Variants in IRAK2 observed in about 807,000 individuals in gnomAD.
IRAK2 encodes the protein interleukin-1 receptor-associated kinase-like 2.
In IRAK2, 57 loss-of-function variants were observed where a neutral mutation model predicts 72.0. The observed-to-expected ratio is 0.79, with a 90% CI of 0.64 to 0.99. IRAK2 has a LOEUF of 0.99. Among genes scored for constraint, IRAK2 ranks in the 50% least tolerant of loss-of-function variants. IRAK2 has a pLI of 0.00. For missense variants in IRAK2, 790 were observed against 794.4 expected, an observed-to-expected ratio of 0.99 and a Z score of 0.07; for synonymous variants, 293 against 312.7, an observed-to-expected ratio of 0.94 and a Z score of 0.67.
At chr3:10,213,917 T>C (rs1023681690) in intron 6 of IRAK2, among the ~76,000 whole-genome samples, 9 of 152,070 alleles carry the variant, frequency 5.9e-5, no homozygotes, top group African/African-American at 1.7e-4. Flanking sequence ...CTCCTTTTTT[T>C]TTTTCTTTTC....
chr3:10,184,723 GTT>G (rs55839723), intron 2 of IRAK2, among the ~76,000 whole-genome samples: 4,383 of 101,408 alleles, frequency 0.043, 41 homozygotes, highest in African/African-American at 0.095. Flanking sequence ...GTTTTTGTGT[GTT>G]TTTTTTTTTT....
chr3:10,200,585 A>G, intron 3 of IRAK2, 70 bp downstream of exon 3: 2 of 1,403,618 alleles, frequency 1.4e-6, no homozygotes, highest in Non-Finnish European at 9.6e-7. Context: ...CTATAAGGAC[A>G]TTCAGCTTAG....
chr3:10,206,384 T>G (rs2125153302), intron 3 of IRAK2, among the ~76,000 whole-genome samples: 1 of 152,212 alleles, frequency 6.6e-6, no homozygotes, highest in East Asian at 1.9e-4. Flanking sequence ...GCTCGCATTC[T>G]CCTGGCTGCT....
chr3:10,235,274 G>A (rs1697938165), intron 11 of IRAK2, among the ~76,000 whole-genome samples: 1 of 152,002 alleles, frequency 6.6e-6, no homozygotes, highest in Non-Finnish European at 1.5e-5. Flanking sequence ...TGGCTTCCAT[G>A]GTAAAAGGTA....
Position 10,234,618 on chromosome 3 carries a change from G to A in IRAK2, c.1432G>A (p.Ala478Thr). The A allele has an allele frequency of 1.2e-6, 2 of 1,613,136 alleles. No individual in the cohort carries two copies. The change falls in exon 11 of 13, where the codon GCC becomes ACC. Residue 478 changes from alanine to threonine, a missense_variant. Ala to Thr is a moderately conservative substitution (Grantham distance 58). Coordinates refer to ENST00000256458, the MANE Select transcript of IRAK2 (RefSeq NM_001570.4). ...EDCAEALATAACLCLRRRNTS... is the reference protein window; with the variant it reads ...EDCAEALATATCLCLRRRNTS... Reference sequence around the variant, plus strand: ...CTGCGCCGAGGCCCTGGCCACGGCTGCCTGCCTGTGCCTGCGGAGGCGTAA... The same window carrying A: ...CTGCGCCGAGGCCCTGGCCACGGCTACCTGCCTGTGCCTGCGGAGGCGTAA...
At chr3:10,213,631 CTA>C in intron 6 of IRAK2, 83 bp downstream of exon 6, 1 of 1,017,530 alleles carries the variant, frequency 9.8e-7, no homozygotes, top group South Asian at 1.3e-5. Flanking sequence ...TTTAAGCACT[CTA>C]TTATATATAA....
At chr3:10,177,189 C>G (rs1196482072) in intron 1 of IRAK2, among the ~76,000 whole-genome samples, 1 of 152,140 alleles carries the variant, frequency 6.6e-6, no homozygotes, top group Admixed American at 6.6e-5. Flanking sequence ...CCTCCTTGGT[C>G]TCCTAAAGTA....
chr3:10,242,119 C>T lies in IRAK2; in HGVS notation c.1769C>T (p.Thr590Ile), dbSNP rs1354294236. The change falls in exon 13 of 13, where the codon ACA becomes ATA. Residue 590 changes from threonine to isoleucine, a missense_variant. Thr to Ile is a moderately conservative substitution (Grantham distance 89). Transcript: ENST00000256458. ...CVGLEPPQDV[T>I]ETSWQIEINE... ...TTTGCTTTCTGTTGAACATCAGTTA[C>T]AGAAACTTCGTGGCAAATTGAGATC... The T allele has an allele frequency of 6.3e-7, 1 of 1,592,914 alleles. No homozygotes were observed. Among genetic ancestry groups the T allele is most frequent in the East Asian group, 2.3e-5 (1 of 44,428 alleles).
At chr3:10,213,667 C>T (rs951730174) in intron 6 of IRAK2, 119 bp downstream of exon 6, 3 of 744,430 alleles carry the variant, frequency 4.0e-6, no homozygotes, top group East Asian at 2.6e-5. Flanking sequence ...TTACAAGAAC[C>T]CTATAAATGT....
At chr3:10,197,851 CAA>C (rs572341353) in intron 2 of IRAK2, among the ~76,000 whole-genome samples, 38 of 101,580 alleles carry the variant, frequency 3.7e-4, no homozygotes, top group African/African-American at 1.2e-3. Context: ...GACTCCGTCT[CAA>C]AAAAAAAAAA....
chr3:10,204,792 AAAAG>A lies in IRAK2; in HGVS notation c.424+4282_424+4285del, dbSNP rs1697411327. 4.6e-5 allele frequency among the ~76,000 whole-genome samples: 7 copies of A among 152,168 alleles called. No individual in the cohort carries two copies. In the South Asian group the frequency reaches 1.5e-3, roughly 32 times the overall value. Reference sequence around the variant, plus strand: ...AACAGAGCAAAAAAGAAAAGCAAGAAAAAGAAAGCTTCTGGAAGCATTTCCATAG... The same window carrying A: ...AACAGAGCAAAAAAGAAAAGCAAGAAAAAGCTTCTGGAAGCATTTCCATAG... On this transcript the variant is annotated intron_variant, in intron 3 of 12. Coordinates refer to ENST00000256458, the MANE Select transcript of IRAK2 (RefSeq NM_001570.4).
chr3:10,191,512 C>G (rs375115447), intron 2 of IRAK2, among the ~76,000 whole-genome samples: 14 of 152,202 alleles, frequency 9.2e-5, no homozygotes, highest in African/African-American at 3.4e-4. Context: ...TCACCTCTAC[C>G]ACTTTCCCCC....
intron 1 of IRAK2, among the ~76,000 whole-genome samples, chr3:10,170,428 G>C (rs1399748127): frequency 1.3e-5 from 2 of 152,224 alleles, no homozygotes; most frequent in Non-Finnish European, 2.9e-5. Context: ...TGTTTTCCAA[G>C]GGTATTATTC....
At chr3:10,168,519 CT>C (rs1051080562) in intron 1 of IRAK2, among the ~76,000 whole-genome samples, 35 of 152,106 alleles carry the variant, frequency 2.3e-4, no homozygotes, top group Admixed American at 6.6e-4. Flanking sequence ...CTTATTGTTG[CT>C]TTTTTGATGG....
At chr3:10,191,395 C>T (rs185712480) in intron 2 of IRAK2, among the ~76,000 whole-genome samples, 5 of 152,152 alleles carry the variant, frequency 3.3e-5, no homozygotes, top group Non-Finnish European at 5.9e-5. Context: ...TTGGTAAGTA[C>T]TCTCTCAGCT....
intron 6 of IRAK2, among the ~76,000 whole-genome samples, chr3:10,214,209 G>A (rs965614452): frequency 2.0e-5 from 3 of 151,884 alleles, no homozygotes; most frequent in Admixed American, 1.3e-4. Context: ...GATTACAGGC[G>A]TGAGCCACCG....
chr3:10,206,130 G>A (rs1697429916), intron 3 of IRAK2, among the ~76,000 whole-genome samples: 1 of 133,492 alleles, frequency 7.5e-6, no homozygotes, highest in African/African-American at 2.5e-5. Flanking sequence ...AGAGCCTTGG[G>A]ACCATGGTGC....
intron 10 of IRAK2, among the ~76,000 whole-genome samples, chr3:10,228,503 G>T (rs1697813755): frequency 6.6e-6 from 1 of 152,170 alleles, no homozygotes; most frequent in South Asian, 2.1e-4. Flanking sequence ...GTCCTCTGGG[G>T]CTCCCCGGAC....
At chr3:10,172,837 CAAAAAAAAAAAA>C (rs533137515) in intron 1 of IRAK2, among the ~76,000 whole-genome samples, 9 of 53,994 alleles carry the variant, frequency 1.7e-4, no homozygotes, top group Admixed American at 7.2e-4. Context: ...GACTCTGTCT[CAAAAAAAAAAAA>C]AAAAAAAAAA....
Sources: allele counts gnomAD v4.1 joint callset (sites outside exome capture counted in the v4.1 genomes callset), GRCh38; gene constraint gnomAD v4.1.1; transcripts MANE v1.5; gene names NCBI Gene and HGNC (gene_info 2026-07-23, HGNC 2026-07-21).